The following USP44 variants were observed in gnomAD, a reference collection of about 807,000 sequenced individuals.
USP44 encodes ubiquitin specific peptidase 44, also known as ubiquitin carboxyl-terminal hydrolase 44.
In USP44, 61 loss-of-function variants were observed where a neutral mutation model predicts 69.0. That is an observed-to-expected ratio of 0.88 (90% CI 0.72 to 1.09). The LOEUF (loss-of-function observed/expected upper bound fraction) is 1.09, where lower values mean the gene tolerates loss of function less well. Among genes scored for constraint, USP44 ranks in the 50% least tolerant of loss-of-function variants. USP44 has a pLI of 0.00. For missense variants in USP44, 753 were observed against 849.9 expected, an observed-to-expected ratio of 0.89 and a Z score of 1.42; for synonymous variants, 297 against 295.4, an observed-to-expected ratio of 1.01 and a Z score of -0.06.
intron 3 of USP44, 125 bp from the exon 4 acceptor site, chr12:95,524,913 T>C (rs2076788141): frequency 1.2e-5 from 10 of 829,700 alleles, no homozygotes; most frequent in Non-Finnish European, 1.7e-5. Context: ...CATTGTACTG[T>C]GCTAGAGATA....
chr12:95,539,289 G>A (rs949450311), intron 1 of USP44, among the ~76,000 whole-genome samples: 4 of 150,068 alleles, frequency 2.7e-5, no homozygotes, highest in African/African-American at 4.9e-5. Context: ...GCAGTGGCGC[G>A]ATCTAGGCTC....
chr12:95,543,060 C>A (rs1437572008), intron 1 of USP44, among the ~76,000 whole-genome samples: 1 of 149,760 alleles, frequency 6.7e-6, no homozygotes, highest in East Asian at 2.0e-4. Context: ...TGCACTCCAG[C>A]CTGGGTGACA....
chr12:95,524,763 T>G lies in USP44; in HGVS notation c.1650A>C (p.Lys550Asn). ...TCTGGGCTTCTGTGAGTACAACTGG[T>G]TTGGAGGAAAACCTTCTACGCTTTG... ...CNSKRRRFSS[K>N]PVVLTEAQKQ... Residue 550 changes from lysine (K) to asparagine (N), a missense_variant, in exon 4 of 6, where the codon AAA (lysine) becomes AAC (asparagine). By Grantham distance (94) the Lys-to-Asn change is moderately conservative (BLOSUM62 0). Transcript: ENST00000258499. 1 of 1,611,196 alleles carries G rather than the reference T, an allele frequency of 6.2e-7. No homozygotes were observed. The highest frequency in any genetic ancestry group is 8.5e-7 in the Non-Finnish European group (1 of 1,179,240).
In USP44 at chr12:95,534,156, G is replaced by A. The variant is rs750488207; in HGVS notation, c.101C>T (p.Thr34Met). 26 of 1,614,024 alleles carry A rather than the reference G, an allele frequency of 1.6e-5. No homozygotes were observed. Among genetic ancestry groups the A allele is most frequent in the Middle Eastern group, 1.6e-4 (1 of 6,084 alleles). ...PQKWHCVDCN[T>M]TESIWACLSC... ...AAGGCAAGCCCAAATGGACTCGGTC[G>A]TGTTGCAGTCCACACAGTGCCATTT... The change falls in exon 2 of 6, where the codon ACG becomes ATG. Residue 34 changes from threonine (T) to methionine (M), a missense_variant. Coordinates refer to ENST00000258499, the MANE Select transcript of USP44 (RefSeq NM_032147.5).
chr12:95,526,110 T>A (rs1354842541), intron 3 of USP44, among the ~76,000 whole-genome samples: 1 of 152,212 alleles, frequency 6.6e-6, no homozygotes. Flanking sequence ...CTTTTAGGCC[T>A]GTATTTGGTA....
chr12:95,544,037 A>G (rs1218392128), intron 1 of USP44, among the ~76,000 whole-genome samples: 1 of 142,698 alleles, frequency 7.0e-6, no homozygotes, highest in Non-Finnish European at 1.5e-5. Flanking sequence ...TCCACTGTAA[A>G]TTTTAGTTAT....
intron 1 of USP44, among the ~76,000 whole-genome samples, chr12:95,543,997 A>T (rs1161048515): frequency 6.8e-6 from 1 of 147,186 alleles, no homozygotes; most frequent in Non-Finnish European, 1.5e-5. Flanking sequence ...AAAGAAAAAA[A>T]CCCAAAACAA....
chr12:95,538,906 A>C (rs1019297082), intron 1 of USP44, among the ~76,000 whole-genome samples: 8 of 152,212 alleles, frequency 5.3e-5, no homozygotes, highest in African/African-American at 1.9e-4. Context: ...TTGCTAATCC[A>C]CCGCTGTGAA....
chr12:95,522,687 A>T (rs1369892453), intron 4 of USP44, among the ~76,000 whole-genome samples: 1 of 150,866 alleles, frequency 6.6e-6, no homozygotes, highest in African/African-American at 2.4e-5. Context: ...CTGAGGCAGG[A>T]GAATCGCTTG....
At position 95,533,844 on chromosome 12, in the gene USP44, G is replaced by C; in HGVS notation, c.413C>G (p.Ser138Cys). The C allele has an allele frequency of 6.2e-7, 1 of 1,614,138 alleles. No homozygotes were observed. The highest frequency in any genetic ancestry group is 1.1e-5 in the South Asian group (1 of 91,082). The change falls in exon 2 of 6, where the codon TCT becomes TGT. Residue 138 changes from serine to cysteine, a missense_variant. By Grantham distance (112) the Ser-to-Cys change is moderately radical (BLOSUM62 -1). Transcript: ENST00000258499. ...DSYFLHDGAQ[S>C]LLQSEDQLYT... Reference sequence around the variant, plus strand: ...CAGTTGATCTTCACTTTGAAGCAGAGATTGGGCACCGTCATGTAAGAAATA... The same window carrying C: ...CAGTTGATCTTCACTTTGAAGCAGACATTGGGCACCGTCATGTAAGAAATA...
At chr12:95,521,320 A>G in intron 4 of USP44, 118 bp from the exon 5 acceptor site, 1 of 913,266 alleles carries the variant, frequency 1.1e-6, no homozygotes, top group Non-Finnish European at 1.7e-6. Context: ...ATCATATGTA[A>G]TATAAAATGA....
chr12:95,522,473 C>T (rs2076695699), intron 4 of USP44, among the ~76,000 whole-genome samples: 1 of 152,050 alleles, frequency 6.6e-6, no homozygotes, highest in Non-Finnish European at 1.5e-5. Flanking sequence ...TTTTTGGAAT[C>T]TCTGGAGTGA....
At chr12:95,530,486 C>T (rs776339697) in intron 2 of USP44, among the ~76,000 whole-genome samples, 1 of 151,880 alleles carries the variant, frequency 6.6e-6, no homozygotes, top group Non-Finnish European at 1.5e-5. Flanking sequence ...AAAGGAAAAG[C>T]CATTACAGCA....
chr12:95,544,773 T>C (rs536945935), intron 1 of USP44, among the ~76,000 whole-genome samples: 1 of 152,294 alleles, frequency 6.6e-6, no homozygotes, highest in East Asian at 1.9e-4. Flanking sequence ...AAAATCTGAA[T>C]AGACACTGAG....
At position 95,548,497 on chromosome 12, in the gene USP44, G is replaced by A. The variant is rs1184252448; in HGVS notation, c.-71+2775C>T. The A allele has an allele frequency of 6.6e-6, 1 of 152,306 alleles. No individual in the cohort carries two copies. Among genetic ancestry groups the A allele is most frequent in the African/African-American group, 2.4e-5 (1 of 41,448 alleles). The allele number at this position is 152,306 out of a possible 1,614,324, so 9.4% of individuals were successfully genotyped here. A position where few individuals can be genotyped will look rare whatever the true frequency, so the allele number is the denominator to read the frequency against. ...TCCGGGCACTCTGAGGCTGCCGCCGGGACAGGGTCGGAGCGCCGCAGAACC... is the reference window on the plus strand; with the variant it reads ...TCCGGGCACTCTGAGGCTGCCGCCGAGACAGGGTCGGAGCGCCGCAGAACC... On this transcript the variant is annotated intron_variant, in intron 1 of 5. Transcript: ENST00000258499. This position sits in a 1 kb window ranked among gnomAD's most constrained non-coding sequence, Gnocchi z 4.1.
chr12:95,533,370 AT>A lies in USP44; in HGVS notation c.886del (p.Ile296PhefsTer7), dbSNP rs775571466. 3.7e-6 allele frequency: 6 copies of A among 1,613,244 alleles called. No homozygotes were observed. The South Asian group carries it at 6.6e-5, about 18-fold the overall frequency. ...AAGCTTTAAAAAACATTGTCGAAAA[AT>A]AAGTAAATGACTCAACACCTGAAGA... ...SVLQVLSHLLIFRQCFLKLDL... is the reference protein window; with the variant it reads ...SVLQVLSHLLXFRQCFLKLDL... On this transcript the variant is annotated frameshift_variant, in exon 2 of 6. Coordinates refer to ENST00000258499, the MANE Select transcript of USP44 (RefSeq NM_032147.5). LOFTEE classifies it high-confidence loss of function.
At chr12:95,530,995 T>C (rs1246818806) in intron 2 of USP44, among the ~76,000 whole-genome samples, 1 of 152,004 alleles carries the variant, frequency 6.6e-6, no homozygotes, top group Non-Finnish European at 1.5e-5. Context: ...AAACCCCGTC[T>C]CTACTAAAAA....
chr12:95,520,564 T>C lies in USP44; in HGVS notation c.1939+433A>G, dbSNP rs1013083663. Among the ~76,000 whole-genome samples the C allele has an allele frequency of 3.9e-5, 6 of 152,270 alleles. No homozygotes were observed. In the South Asian group the frequency reaches 1.2e-3, roughly 32 times the overall value. On this transcript the variant is annotated intron_variant, in intron 5 of 5. Transcript: ENST00000258499. ...AATCACTTTTGCTAGAACTAGACTA[T>C]CCTAGAAGGCAGAAAATAAGTGAGT... is the stretch of plus-strand genomic sequence containing the variant.
chr12:95,534,567 T>C (rs1330420551), intron 1 of USP44, among the ~76,000 whole-genome samples: 1 of 152,170 alleles, frequency 6.6e-6, no homozygotes, highest in Non-Finnish European at 1.5e-5. Context: ...TTTAACTTTC[T>C]GCCACCATCT....
Sources: allele counts gnomAD v4.1 joint callset (sites outside exome capture counted in the v4.1 genomes callset), GRCh38; gene constraint gnomAD v4.1.1; non-coding constraint Gnocchi (gnomAD v3.1); transcripts MANE v1.5; gene names NCBI Gene and HGNC (gene_info 2026-07-23, HGNC 2026-07-21).